FHIT: variants seen among roughly 807,000 people sequenced by gnomAD.
FHIT encodes fragile histidine triad diadenosine triphosphatase, also known as bis(5'-adenosyl)-triphosphatase.
Under a neutral mutation model 17.9 loss-of-function variants are expected in FHIT, and 19 were observed. The observed-to-expected ratio is 1.06, with a 90% CI of 0.74 to 1.56. The LOEUF (loss-of-function observed/expected upper bound fraction) is 1.56. FHIT is among the 40% of genes most tolerant of loss of function. The pLI is 0.00. For synonymous variants in FHIT, 81 were observed against 69.7 expected (o/e 1.16, Z -0.81); for missense variants, 248 against 189.2 (o/e 1.31, Z -1.82).
At chr3:60,117,494 T>TAAAAAAAAAA (rs34113926) in intron 5 of FHIT, among the ~76,000 whole-genome samples, 2 of 86,766 alleles carry the variant, frequency 2.3e-5, no homozygotes, top group Non-Finnish European at 4.4e-5. Context: ...ACTTCCTATC[T>TAAAAAAAAAA]AAAAAAAAAA....
intron 7 of FHIT, among the ~76,000 whole-genome samples, chr3:59,943,393 T>C (rs1706631111): frequency 6.6e-6 from 1 of 152,138 alleles, no homozygotes; most frequent in Admixed American, 6.5e-5. Context: ...AGGAGGATTA[T>C]ACCTCAGGGA....
At chr3:60,134,522 T>C (rs950225342) in intron 5 of FHIT, among the ~76,000 whole-genome samples, 11 of 152,204 alleles carry the variant, frequency 7.2e-5, no homozygotes, top group Admixed American at 1.3e-4. Context: ...ACATAGGTCA[T>C]AGATTGTGAA....
chr3:61,053,368 A>T (rs1472423596), intron 2 of FHIT, among the ~76,000 whole-genome samples: 4 of 152,174 alleles, frequency 2.6e-5, no homozygotes, highest in African/African-American at 9.7e-5. Flanking sequence ...TTTTAAAAAA[A>T]TTGTGTTCGG....
At chr3:60,036,112 C>A (rs1701206526) in intron 5 of FHIT, among the ~76,000 whole-genome samples, 1 of 152,180 alleles carries the variant, frequency 6.6e-6, no homozygotes, top group Non-Finnish European at 1.5e-5. Flanking sequence ...CAATTCACTG[C>A]CATAACTAGT....
At chr3:61,136,894 C>G (rs1014082764) in intron 2 of FHIT, among the ~76,000 whole-genome samples, 4 of 152,166 alleles carry the variant, frequency 2.6e-5, no homozygotes, top group African/African-American at 9.7e-5. Context: ...TGGATTGCAA[C>G]CATGTGCAAA....
chr3:60,224,677 T>C (rs1049283821), intron 5 of FHIT, among the ~76,000 whole-genome samples: 1 of 152,006 alleles, frequency 6.6e-6, no homozygotes, highest in African/African-American at 2.4e-5. Context: ...ATGTGCCTTA[T>C]TCTCCTTTTT....
chr3:61,175,055 C>G (rs573849596), intron 2 of FHIT, among the ~76,000 whole-genome samples: 1 of 151,586 alleles, frequency 6.6e-6, no homozygotes, highest in Non-Finnish European at 1.5e-5. Flanking sequence ...GAAACCCTCA[C>G]GAAAGGTTAA....
intron 5 of FHIT, among the ~76,000 whole-genome samples, chr3:60,236,924 T>C (rs892483858): frequency 1.1e-4 from 17 of 152,168 alleles, no homozygotes; most frequent in African/African-American, 3.9e-4. Context: ...ATATGTAGAA[T>C]CATAAGGTTT....
At chr3:60,730,814 A>G (rs1307335454) in intron 4 of FHIT, among the ~76,000 whole-genome samples, 2 of 152,182 alleles carry the variant, frequency 1.3e-5, no homozygotes, top group African/African-American at 2.4e-5. Context: ...AGAGAAGTCT[A>G]GTGTTAAGAA....
intron 5 of FHIT, among the ~76,000 whole-genome samples, chr3:60,215,398 G>A (rs1054338436): frequency 1.3e-5 from 2 of 151,856 alleles, no homozygotes; most frequent in Non-Finnish European, 2.9e-5. Flanking sequence ...AGAATCACTT[G>A]AACCTGAGAG....
intron 3 of FHIT, among the ~76,000 whole-genome samples, chr3:61,037,258 A>G (rs2033302570): frequency 6.6e-6 from 1 of 152,102 alleles, no homozygotes; most frequent in African/African-American, 2.4e-5. Flanking sequence ...AAAGCGCTAC[A>G]AGACTGGAGT....
At chr3:60,843,762 G>T (rs543248832) in intron 3 of FHIT, among the ~76,000 whole-genome samples, 17 of 152,274 alleles carry the variant, frequency 1.1e-4, no homozygotes, top group Admixed American at 8.5e-4. Flanking sequence ...CTGTGTTAAT[G>T]AAAGACACGA....
At chr3:60,060,851 A>G (rs996003622) in intron 5 of FHIT, among the ~76,000 whole-genome samples, 1 of 152,238 alleles carries the variant, frequency 6.6e-6, no homozygotes, top group African/African-American at 2.4e-5. Flanking sequence ...CTTCTTGGAA[A>G]AATGCACTGT....
intron 8 of FHIT, among the ~76,000 whole-genome samples, chr3:59,855,911 G>T (rs2106816919): frequency 6.6e-6 from 1 of 150,452 alleles, no homozygotes. Flanking sequence ...CTCCCAAGTA[G>T]CTGGGACTAC....
intron 1 of FHIT, among the ~76,000 whole-genome samples, chr3:61,211,932 C>T (rs1282705017): frequency 6.6e-6 from 1 of 152,210 alleles, no homozygotes; most frequent in Non-Finnish European, 1.5e-5. Flanking sequence ...TCCAACAGTC[C>T]TGCAGCTGAG....
At chr3:60,634,368 C>T (rs989865635) in intron 4 of FHIT, among the ~76,000 whole-genome samples, 1 of 152,150 alleles carries the variant, frequency 6.6e-6, no homozygotes, top group Admixed American at 6.5e-5. Context: ...CATAAATTAG[C>T]CAGGAGCAAA....
chr3:61,215,429 A>C (rs1229030026), intron 1 of FHIT, among the ~76,000 whole-genome samples: 1 of 152,094 alleles, frequency 6.6e-6, no homozygotes, highest in Non-Finnish European at 1.5e-5. Context: ...TAGGAATCCA[A>C]CTTACAAGGG....
chr3:60,097,955 A>C (rs963497733), intron 5 of FHIT, among the ~76,000 whole-genome samples: 12 of 149,298 alleles, frequency 8.0e-5, no homozygotes. Context: ...ATGAGTGAGA[A>C]CATGCAGTGT....
intron 8 of FHIT, among the ~76,000 whole-genome samples, chr3:59,878,569 C>T (rs1468425728): frequency 5.9e-5 from 9 of 152,196 alleles, no homozygotes; most frequent in Admixed American, 5.9e-4. Context: ...CAAATACACT[C>T]ACCCTGTAAG....
Sources: gnomAD v4.1 joint callset for allele counts (sites outside exome capture counted in the v4.1 genomes callset) on GRCh38, gnomAD v4.1.1 for gene constraint, MANE v1.5 for transcripts, NCBI Gene and HGNC (gene_info 2026-07-23, HGNC 2026-07-21) for gene names.